Variants in AHSA1 observed in about 807,000 individuals in gnomAD.
The protein encoded by AHSA1 is activator of 90 kDa heat shock protein ATPase homolog 1.
AHSA1 carries 14 observed loss-of-function variants against 46.1 expected under a neutral mutation model. That is an observed-to-expected ratio of 0.30 (90% CI 0.20 to 0.47). The LOEUF (loss-of-function observed/expected upper bound fraction) is 0.47. Among genes scored for constraint, AHSA1 ranks in the 20% least tolerant of loss-of-function variants. The probability of loss-of-function intolerance (pLI) is 0.99; values close to 1 mark genes in which losing one functional copy is unlikely to be tolerated. For synonymous variants in AHSA1, 147 were observed against 145.8 expected (o/e 1.01, Z -0.06); for missense variants, 333 against 415.9 (o/e 0.80, Z 1.73).
intron 4 of AHSA1, 124 bp downstream of exon 4, chr14:77,462,883 C>T: frequency 1.3e-6 from 1 of 781,880 alleles, no homozygotes; most frequent in Admixed American, 2.0e-5. Context: ...GGGCTTATTT[C>T]ATCTTAAAGT....
At chr14:77,462,405 A>G in intron 3 of AHSA1, 163 bp downstream of exon 3, 1 of 759,716 alleles carries the variant, frequency 1.3e-6, no homozygotes, top group East Asian at 2.7e-5. Flanking sequence ...GGAAACTTCT[A>G]GAGCAATTTG....
chr14:77,464,445 T>C (rs1407544519), intron 4 of AHSA1, 153 bp from the exon 5 acceptor site: 2 of 652,154 alleles, frequency 3.1e-6, no homozygotes, highest in Non-Finnish European at 5.3e-6. Flanking sequence ...CAGTCTGGCA[T>C]AGGCCAAAAG....
At chr14:77,461,028 A>T (rs532539464) in intron 2 of AHSA1, among the ~76,000 whole-genome samples, 38 of 151,882 alleles carry the variant, frequency 2.5e-4, no homozygotes, top group Middle Eastern at 3.4e-3. Context: ...GCGTGGTGGC[A>T]TGTGCCTGTA....
At position 77,468,443 on chromosome 14, in the gene AHSA1, T is replaced by A. The variant is rs1338130500; in HGVS notation, c.793-14T>A. On this transcript the variant is annotated splice_polypyrimidine_tract_variant and intron_variant, in intron 7 of 8. Transcript: ENST00000216479. ...GTAGTATATAATATAGACTGAGCTG[T>A]TTGATTATTTTAGGTCCCTGAGAAA... 11 of 1,610,936 alleles carry A rather than the reference T, an allele frequency of 6.8e-6. No homozygotes were observed. Among genetic ancestry groups the A allele is most frequent in the Non-Finnish European group, 9.3e-6 (11 of 1,177,582 alleles).
chr14:77,461,507 G>A (rs765927462), intron 2 of AHSA1, among the ~76,000 whole-genome samples: 5 of 152,192 alleles, frequency 3.3e-5, no homozygotes, highest in African/African-American at 7.2e-5. Context: ...TCCAGCCTGA[G>A]CGACAGAGCA....
chr14:77,463,302 CT>C, intron 4 of AHSA1, among the ~76,000 whole-genome samples: 1 of 151,500 alleles, frequency 6.6e-6, no homozygotes, highest in South Asian at 2.1e-4. Flanking sequence ...ATAAATTACA[CT>C]ACGGGCTGGG....
At chr14:77,458,540 C>A (rs1326757950) in intron 1 of AHSA1, among the ~76,000 whole-genome samples, 1 of 152,230 alleles carries the variant, frequency 6.6e-6, no homozygotes, top group Non-Finnish European at 1.5e-5. Context: ...CTGGCTGCTG[C>A]ATCCAGCCCG....
chr14:77,469,170 A>G lies in AHSA1; in HGVS notation c.938A>G (p.Glu313Gly). 2 of 1,614,202 alleles carry G rather than the reference A, an allele frequency of 1.2e-6. No individual in the cohort carries two copies. The highest frequency in any genetic ancestry group is 1.7e-6 in the Non-Finnish European group (2 of 1,180,032). ...CGAGGCATCCCTGCTCCTGAGGAAGAGCGGACGCGACAGGGCTGGCAGCGG... is the reference window on the plus strand; with the variant it reads ...CGAGGCATCCCTGCTCCTGAGGAAGGGCGGACGCGACAGGGCTGGCAGCGG... ...EGRGIPAPEE[E>G]RTRQGWQRYY... Residue 313 changes from glutamate (E) to glycine (G), a missense_variant, in exon 9 of 9, where the codon GAG (glutamate) becomes GGG (glycine). Coordinates refer to ENST00000216479, the MANE Select transcript of AHSA1 (RefSeq NM_012111.3).
Position 77,462,626 on chromosome 14 carries a change from C to T in AHSA1, c.355-16C>T. 6.2e-7 allele frequency: 1 copy of T among 1,612,742 alleles called. No individual in the cohort carries two copies. The highest frequency in any genetic ancestry group is 1.1e-5 in the South Asian group (1 of 91,054). The stretch of plus-strand genomic sequence containing the variant: ...CCCTCAAGTTATTTACCACCTACTT[C>T]TCATCTTTCACCCAGATTAGTGTGA... On this transcript the variant is annotated splice_polypyrimidine_tract_variant and intron_variant, in intron 3 of 8. Coordinates refer to ENST00000216479, the MANE Select transcript of AHSA1 (RefSeq NM_012111.3).
In AHSA1 at chr14:77,462,296, T is replaced by A; in HGVS notation, c.354+54T>A. On this transcript the variant is annotated intron_variant, in intron 3 of 8. Transcript: ENST00000216479. ...TCCTCTATATCCTCTTATTCTCAGA[T>A]GAGAAAAGTGACCTGTCATTCAGGA... 2.7e-6 allele frequency: 4 copies of A among 1,507,664 alleles called. No homozygotes were observed. In the South Asian group the frequency reaches 3.4e-5, roughly 13 times the overall value. 93.4% of individuals were successfully genotyped at this position (1,507,664 alleles called of 1,614,324 possible).
chr14:77,462,177 G>A lies in AHSA1; in HGVS notation c.289G>A (p.Val97Ile). The A allele has an allele frequency of 3.1e-6, 5 of 1,612,498 alleles. No homozygotes were observed. Among genetic ancestry groups the A allele is most frequent in the Non-Finnish European group, 3.4e-6 (4 of 1,178,478 alleles). ...TTTGACAGGTACTTCTAAGTCAGGA[G>A]TACAATACAAAGGACATGTGGAGAT... ...LNWTGTSKSG[V>I]QYKGHVEIPN... The change falls in exon 3 of 9, where the codon GTA becomes ATA. Residue 97 changes from valine to isoleucine, a missense_variant. Transcript: ENST00000216479.
intron 6 of AHSA1, among the ~76,000 whole-genome samples, chr14:77,467,271 C>T (rs958850182): frequency 3.3e-5 from 5 of 152,032 alleles, no homozygotes; most frequent in Admixed American, 2.6e-4. Context: ...TGGTGGTATG[C>T]GCCTGTAGTC....
intron 2 of AHSA1, among the ~76,000 whole-genome samples, chr14:77,460,842 T>G (rs2079019347): frequency 6.6e-6 from 1 of 152,030 alleles, no homozygotes; most frequent in Non-Finnish European, 1.5e-5. Context: ...TAGCATAGTT[T>G]TGTGCACATT....
At chr14:77,460,975 C>T (rs1192500419) in intron 2 of AHSA1, among the ~76,000 whole-genome samples, 6 of 149,358 alleles carry the variant, frequency 4.0e-5, no homozygotes, top group African/African-American at 9.8e-5. Flanking sequence ...CTGGCTGACA[C>T]AGTGAAACCC....
chr14:77,468,086 G>T lies in AHSA1; in HGVS notation c.694G>T (p.Val232Leu), dbSNP rs1395521119. 4.1e-5 allele frequency: 57 copies of T among 1,375,952 alleles called. No individual in the cohort carries two copies. Among genetic ancestry groups the T allele is most frequent in the Non-Finnish European group, 5.3e-5 (54 of 1,018,552 alleles). 85.2% of individuals were successfully genotyped at this position (1,375,952 alleles called of 1,614,324 possible). The stretch of plus-strand genomic sequence containing the variant: ...TTTTTTTTTTTTTTCCCTGCAGCTG[G>T]TGCAGGCCTTTACCCATGCTCCTGC... ...LYRVFTTQELVQAFTHAPATL... is the reference protein window; with the variant it reads ...LYRVFTTQELLQAFTHAPATL... The change falls in exon 7 of 9, where the codon GTG (valine) becomes TTG (leucine). Residue 232 changes from valine (V) to leucine (L), a missense_variant. Physicochemically the swap from Val to Leu is conservative, Grantham distance 32. Transcript: ENST00000216479.
chr14:77,466,795 A>G (rs1167849797), intron 6 of AHSA1, among the ~76,000 whole-genome samples: 3 of 152,242 alleles, frequency 2.0e-5, no homozygotes, highest in African/African-American at 7.2e-5. Flanking sequence ...ACTGCATTCG[A>G]TGGCTAACTT....
At chr14:77,464,881 G>A (rs2079041347) in intron 5 of AHSA1, among the ~76,000 whole-genome samples, 195 bp downstream of exon 5, 1 of 152,156 alleles carries the variant, frequency 6.6e-6, no homozygotes, top group Admixed American at 6.6e-5. Flanking sequence ...TTCATTTATC[G>A]CAGACCTTTA....
In AHSA1 at chr14:77,458,130, C is replaced by A; in HGVS notation, c.-60C>A. On this transcript the variant is annotated 5_prime_UTR_variant, in exon 1 of 9. Transcript: ENST00000216479. ...GCGCTGCCGGGCGGCTGGCACTAAG[C>A]GGTCCTGAGGCTGTGGCTACGGCTG... 7.1e-7 allele frequency: 1 copy of A among 1,417,920 alleles called. No homozygotes were observed. The highest frequency in any genetic ancestry group is 9.3e-7 in the Non-Finnish European group (1 of 1,076,540). 87.8% of individuals were successfully genotyped at this position (1,417,920 alleles called of 1,614,324 possible). A position where few individuals can be genotyped will look rare whatever the true frequency, so the allele number is the denominator to read the frequency against.
At chr14:77,468,802 G>A (rs760257) in intron 8 of AHSA1, 291,157 of 583,590 alleles carry the variant, frequency 0.5, 79,867 homozygotes, top group East Asian at 0.93. Flanking sequence ...GGCTAGTCTC[G>A]AACTCCTGGG....
Sources: gnomAD v4.1 joint callset for allele counts (sites outside exome capture counted in the v4.1 genomes callset) on GRCh38, gnomAD v4.1.1 for gene constraint, MANE v1.5 for transcripts, NCBI Gene and HGNC (gene_info 2026-07-23, HGNC 2026-07-21) for gene names.